Variants in TOPAZ1 observed in about 807,000 individuals in gnomAD.
TOPAZ1 encodes testis and ovary specific TOPAZ 1, also known as protein TOPAZ1.
A neutral mutation model predicts 172.2 loss-of-function variants in TOPAZ1; 66 were observed. That is an observed-to-expected ratio of 0.38 (90% CI 0.31 to 0.47). TOPAZ1 has a LOEUF of 0.47. Ranked by LOEUF, TOPAZ1 falls within the 20% of genes least tolerant of loss-of-function variation. The probability of loss-of-function intolerance (pLI) is 0.99; values close to 1 mark genes in which losing one functional copy is unlikely to be tolerated. For synonymous variants in TOPAZ1, 681 were observed against 683.9 expected (o/e 1.00, Z 0.07); for missense variants, 1,822 against 1,972.4 (o/e 0.92, Z 1.44).
At chr3:44,257,048 G>A (rs888943115) in intron 4 of TOPAZ1, among the ~76,000 whole-genome samples, 1 of 152,094 alleles carries the variant, frequency 6.6e-6, no homozygotes, top group Non-Finnish European at 1.5e-5. Flanking sequence ...AGATCAATAT[G>A]CCGGGTGCAG....
intron 16 of TOPAZ1, among the ~76,000 whole-genome samples, chr3:44,311,324 G>T (rs1700395878): frequency 6.6e-6 from 1 of 152,098 alleles, no homozygotes; most frequent in Non-Finnish European, 1.5e-5. Flanking sequence ...ATACAAAAAT[G>T]GAAATTAATG....
intron 5 of TOPAZ1, 31 bp downstream of exon 5, chr3:44,262,514 TA>T: frequency 1.8e-6 from 2 of 1,130,182 alleles, no homozygotes; most frequent in South Asian, 1.5e-5. Context: ...TTACATAACT[TA>T]AAATAGTCAC....
In TOPAZ1 at chr3:44,331,839, T is replaced by G; in HGVS notation, c.4907T>G (p.Val1636Gly). 6.4e-7 allele frequency: 1 copy of G among 1,552,148 alleles called. No homozygotes were observed. The highest frequency in any genetic ancestry group is 8.7e-7 in the Non-Finnish European group (1 of 1,147,084). The change falls in exon 20 of 20, where the codon GTA becomes GGA. Residue 1636 changes from valine to glycine, a missense_variant. This residue lies in a region of TOPAZ1 where 333 missense variants were observed against 481.7 expected (regional missense o/e 0.69). Transcript: ENST00000309765. ...SRSNDDYQAA[V>G]ERLIMAARIS... ...AGCAATGATGATTATCAAGCTGCAG[T>G]AGAAAGGTTAATTATGGCTGCTCGT...
At chr3:44,299,715 A>G (rs1393027710) in intron 12 of TOPAZ1, among the ~76,000 whole-genome samples, 3 of 151,494 alleles carry the variant, frequency 2.0e-5, no homozygotes, top group Non-Finnish European at 4.4e-5. Flanking sequence ...ATGTCCAACA[A>G]TGATAGACTG....
intron 2 of TOPAZ1, among the ~76,000 whole-genome samples, chr3:44,248,785 C>T (rs1007767523): frequency 6.6e-6 from 1 of 152,092 alleles, no homozygotes; most frequent in African/African-American, 2.4e-5. Flanking sequence ...GGGTGAGGCC[C>T]ATATATTGTC....
At chr3:44,307,454 G>A (rs931314285) in intron 15 of TOPAZ1, among the ~76,000 whole-genome samples, 1 of 152,084 alleles carries the variant, frequency 6.6e-6, no homozygotes, top group African/African-American at 2.4e-5. Context: ...GCTTACCATA[G>A]AGATGGTTTA....
At position 44,325,566 on chromosome 3, in the gene TOPAZ1, C is replaced by G. The variant is rs1700590891; in HGVS notation, c.4675+2271C>G. ...AGTCCTAGGCAACAACTAATTTATT[C>G]TCTGTCTCCATGAATTTGCCCATTC... On this transcript the variant is annotated intron_variant, in intron 18 of 19. Coordinates refer to ENST00000309765, the MANE Select transcript of TOPAZ1 (RefSeq NM_001145030.2). 2.0e-5 allele frequency among the ~76,000 whole-genome samples: 3 copies of G among 152,148 alleles called. No individual in the cohort carries two copies. In the South Asian group the frequency reaches 6.2e-4, roughly 31 times the overall value.
In TOPAZ1 at chr3:44,255,670, T is replaced by TACACACAC. The variant is rs71085609; in HGVS notation, c.2828-437_2828-430dup. Among the ~76,000 whole-genome samples, 270 of 46,350 alleles carry TACACACAC rather than the reference T, an allele frequency of 5.8e-3. 5 individuals carry two copies. The highest frequency in any genetic ancestry group is 7.3e-3 in the Non-Finnish European group (171 of 23,520). The allele number at this position is 46,350 out of a possible 152,430, so 30.4% of individuals were successfully genotyped here. A position where few individuals can be genotyped will look rare whatever the true frequency, so the allele number is the denominator to read the frequency against. On this transcript the variant is annotated intron_variant, in intron 3 of 19. Coordinates refer to ENST00000309765, the MANE Select transcript of TOPAZ1 (RefSeq NM_001145030.2). ...CTGTCTCAAAAAAAAAAAATATATA[T>TACACACAC]ACACACACACACACACACACACACA... is the stretch of plus-strand genomic sequence containing the variant.
Position 44,244,702 on chromosome 3 carries a change from A to G in TOPAZ1, c.2196A>G (p.Lys732=), listed in dbSNP as rs770653177. ...CAGACGTAAGACAGAACAGGAGTAA[A>G]GAAAATGTCTCCATGATGATGTTAG... ...SGADVRQNRS[K]ENVSMMMLGP... is the part of the protein sequence containing the mutation. Residue 732 remains lysine, a synonymous_variant, in exon 2 of 20, where the codon AAA becomes AAG. Coordinates refer to ENST00000309765, the MANE Select transcript of TOPAZ1 (RefSeq NM_001145030.2). 4.1e-5 allele frequency: 64 copies of G among 1,551,366 alleles called. No homozygotes were observed. The highest frequency in any genetic ancestry group is 5.6e-5 in the Non-Finnish European group (64 of 1,146,970).
chr3:44,283,855 A>G (rs1700050353), intron 9 of TOPAZ1, among the ~76,000 whole-genome samples: 1 of 152,232 alleles, frequency 6.6e-6, no homozygotes, highest in South Asian at 2.1e-4. Flanking sequence ...TATTTCCGAA[A>G]AACAGGCTAT....
chr3:44,293,158 C>T (rs1700157672), intron 12 of TOPAZ1, among the ~76,000 whole-genome samples: 2 of 152,202 alleles, frequency 1.3e-5, no homozygotes, highest in Non-Finnish European at 2.9e-5. Flanking sequence ...TGTAAACAAA[C>T]TTACTGCGCT....
At chr3:44,289,568 C>T (rs1700114742) in intron 11 of TOPAZ1, among the ~76,000 whole-genome samples, 1 of 151,902 alleles carries the variant, frequency 6.6e-6, no homozygotes. Flanking sequence ...CAAAAGGGGC[C>T]GAGTACCACT....
intron 9 of TOPAZ1, among the ~76,000 whole-genome samples, chr3:44,282,946 G>C (rs1268107992): frequency 1.3e-5 from 2 of 152,114 alleles, no homozygotes; most frequent in African/African-American, 4.8e-5. Context: ...GAGTATACTT[G>C]TGACCTGAGG....
chr3:44,280,314 T>C (rs931249763), intron 8 of TOPAZ1, among the ~76,000 whole-genome samples: 6 of 151,400 alleles, frequency 4.0e-5, no homozygotes, highest in South Asian at 2.1e-4. Flanking sequence ...TTCTTTTTTT[T>C]CCCTTTCCTT....
intron 16 of TOPAZ1, among the ~76,000 whole-genome samples, 158 bp downstream of exon 16, chr3:44,310,148 G>C (rs1477692963): frequency 1.3e-5 from 2 of 152,162 alleles, no homozygotes; most frequent in Admixed American, 1.3e-4. Flanking sequence ...AAACTGAAAG[G>C]GGAAAGTTAA....
At chr3:44,315,204 T>C (rs1700438509) in intron 16 of TOPAZ1, among the ~76,000 whole-genome samples, 1 of 44,468 alleles carries the variant, frequency 2.2e-5, no homozygotes, top group Non-Finnish European at 5.4e-5. Context: ...AAAGAACGTG[T>C]GTGTGTGTGT....
At chr3:44,305,380 G>A (rs1575729567) in intron 14 of TOPAZ1, 59 bp downstream of exon 14, 1 of 1,388,428 alleles carries the variant, frequency 7.2e-7, no homozygotes, top group East Asian at 2.7e-5. Context: ...TTTCTTTTTT[G>A]TTTTTTAGAG....
intron 12 of TOPAZ1, among the ~76,000 whole-genome samples, chr3:44,303,590 C>A (rs994011142): frequency 2.7e-5 from 4 of 148,754 alleles, no homozygotes; most frequent in Non-Finnish European, 5.9e-5. Context: ...CTCTTCAATT[C>A]TCCCCATCAG....
Position 44,244,216 on chromosome 3 carries a change from T to C in TOPAZ1, c.1710T>C (p.Asn570=). 2 of 1,549,814 alleles carry C rather than the reference T, an allele frequency of 1.3e-6. No individual in the cohort carries two copies. The highest frequency in any genetic ancestry group is 1.7e-6 in the Non-Finnish European group (2 of 1,146,046). Residue 570 remains asparagine, a synonymous_variant, in exon 2 of 20, where the codon AAT becomes AAC. Transcript: ENST00000309765. ...AAGAAAAATTAGATTCTAATTCTAA[T>C]TGTTTGTCTTCAGTTTCTGCAGTAG... ...SSKEKLDSNS[N]CLSSVSAVEP...
Sources: allele counts gnomAD v4.1 joint callset (sites outside exome capture counted in the v4.1 genomes callset), GRCh38; gene constraint gnomAD v4.1.1; regional missense constraint gnomAD v4.1.1; transcripts MANE v1.5; gene names NCBI Gene and HGNC (gene_info 2026-07-23, HGNC 2026-07-21).